The following CNTN4 variants were observed in gnomAD, a reference collection of about 807,000 sequenced individuals.
CNTN4 encodes contactin-4.
In CNTN4, 77 loss-of-function variants were observed where a neutral mutation model predicts 122.5. The observed-to-expected ratio is 0.63, with a 90% CI of 0.52 to 0.76. CNTN4 has a LOEUF of 0.76. Ranked by LOEUF, CNTN4 falls within the 30% of genes least tolerant of loss-of-function variation. CNTN4 has a pLI of 0.00. For synonymous variants in CNTN4, 512 were observed against 447.0 expected (o/e 1.15, Z -1.83); for missense variants, 1,256 against 1,259.1 (o/e 1.00, Z 0.04).
chr3:2,884,539 C>T (rs2093948035), intron 9 of CNTN4, among the ~76,000 whole-genome samples: 1 of 152,050 alleles, frequency 6.6e-6, no homozygotes, highest in Non-Finnish European at 1.5e-5. Flanking sequence ...TGCAAAACAA[C>T]ATTTAAGACA....
chr3:2,569,342 G>A (rs2079319193), intron 3 of CNTN4, among the ~76,000 whole-genome samples: 1 of 152,062 alleles, frequency 6.6e-6, no homozygotes, highest in African/African-American at 2.4e-5. Flanking sequence ...AGCTTGTGTT[G>A]GCCCATGTTT....
At chr3:2,305,311 A>G (rs531744332) in intron 2 of CNTN4, among the ~76,000 whole-genome samples, 7 of 152,276 alleles carry the variant, frequency 4.6e-5, no homozygotes. Context: ...GAGAGGGTTA[A>G]TTGTTCCTAT....
At chr3:2,586,919 G>T (rs1157227658) in intron 4 of CNTN4, among the ~76,000 whole-genome samples, 1 of 152,036 alleles carries the variant, frequency 6.6e-6, no homozygotes, top group South Asian at 2.1e-4. Flanking sequence ...ACCTACTCTG[G>T]TATGTTCTTT....
chr3:2,177,367 C>CT (rs1192859166), intron 2 of CNTN4, among the ~76,000 whole-genome samples: 1 of 152,008 alleles, frequency 6.6e-6, no homozygotes, highest in East Asian at 1.9e-4. Context: ...CATCTCATAT[C>CT]TTTTTTCCTC....
At chr3:2,212,775 A>G (rs1387512312) in intron 2 of CNTN4, among the ~76,000 whole-genome samples, 2 of 152,238 alleles carry the variant, frequency 1.3e-5, no homozygotes, top group African/African-American at 2.4e-5. Flanking sequence ...TGGCAGTGAC[A>G]TATCCCTGCT....
rs747923873 is a variant in CNTN4 at position 3,009,579 on chromosome 3, GC to G, written c.1487-16520del. On this transcript the variant is annotated intron_variant, in intron 14 of 24. Coordinates refer to ENST00000418658, the MANE Select transcript of CNTN4 (RefSeq NM_175607.3). ...TTCCCGAGTAGCTGGGACTACAGGC[GC>G]CCGCCACCACGCCCGGCTAATTTTT... is the stretch of plus-strand genomic sequence containing the variant. Among the ~76,000 whole-genome samples, 909 of 95,534 alleles carry G rather than the reference GC, an allele frequency of 9.5e-3. 4 individuals carry two copies. The highest frequency in any genetic ancestry group is 0.022 in the African/African-American group (585 of 26,434). The allele number at this position is 95,534 out of a possible 152,430, so 62.7% of individuals were successfully genotyped here. A position where few individuals can be genotyped will look rare whatever the true frequency, so the allele number is the denominator to read the frequency against.
At chr3:2,296,704 G>A (rs1327075970) in intron 2 of CNTN4, among the ~76,000 whole-genome samples, 1 of 149,984 alleles carries the variant, frequency 6.7e-6, no homozygotes, top group African/African-American at 2.5e-5. Flanking sequence ...GGCACAAGAA[G>A]AATAAAATGG....
rs4685492 is a variant in CNTN4, at chr3:2,173,922, G to A, written c.-145+73283G>A. 7.5e-3 allele frequency among the ~76,000 whole-genome samples: 1,145 copies of A among 152,286 alleles called. 9 individuals are homozygous for A. Among genetic ancestry groups the A allele is most frequent in the Admixed American group, 0.024 (361 of 15,294 alleles). On this transcript the variant is annotated intron_variant, in intron 2 of 24. Transcript: ENST00000418658. ...AAATAATTTCTCAAAGAGGGTAGCT[G>A]TTGTTGCTATTATCGTTGTTTTATT...
chr3:2,829,753 C>T (rs917464760), intron 7 of CNTN4, among the ~76,000 whole-genome samples: 4 of 152,144 alleles, frequency 2.6e-5, no homozygotes, highest in Non-Finnish European at 4.4e-5. Flanking sequence ...ATATAAGTAA[C>T]GAACGTTTCC....
intron 12 of CNTN4, among the ~76,000 whole-genome samples, chr3:2,923,033 G>A (rs2094443439): frequency 6.6e-6 from 1 of 152,188 alleles, no homozygotes; most frequent in African/African-American, 2.4e-5. Context: ...ACTGAAAGGT[G>A]TGTTTTCTGG....
At chr3:2,278,710 A>G (rs1242832212) in intron 2 of CNTN4, among the ~76,000 whole-genome samples, 3 of 152,184 alleles carry the variant, frequency 2.0e-5, no homozygotes, top group African/African-American at 4.8e-5. Context: ...CCCTGTGCCT[A>G]ATCCTGAAAA....
intron 3 of CNTN4, among the ~76,000 whole-genome samples, chr3:2,481,328 A>T (rs915588482): frequency 1.3e-5 from 2 of 151,800 alleles, no homozygotes; most frequent in Non-Finnish European, 2.9e-5. Context: ...TTTAGTAGAG[A>T]TGTGGTTTCA....
Position 2,630,681 on chromosome 3 carries a change from C to G in CNTN4, c.55+59123C>G, listed in dbSNP as rs74334533. ...TTTGAGAGGAATTAGTATGGTATAT[C>G]CCTATCTGTTTATTAAGGGAGTGTG... On this transcript the variant is annotated intron_variant, in intron 4 of 24. Transcript: ENST00000418658. Among the ~76,000 whole-genome samples the G allele has an allele frequency of 6.2e-3, 921 of 149,752 alleles. 3 individuals carry two copies. Among genetic ancestry groups the G allele is most frequent in the African/African-American group, 0.021 (825 of 40,202 alleles).
intron 6 of CNTN4, 96 bp from the exon 7 acceptor site, chr3:2,819,390 T>A (rs1182618482): frequency 3.1e-6 from 3 of 963,878 alleles, no homozygotes; most frequent in Non-Finnish European, 5.0e-6. Context: ...CAACGCAGTT[T>A]TGAGCAGAAT....
At chr3:2,681,862 G>A (rs1376049829) in intron 4 of CNTN4, among the ~76,000 whole-genome samples, 1 of 151,802 alleles carries the variant, frequency 6.6e-6, no homozygotes, top group Non-Finnish European at 1.5e-5. Context: ...TACTAGATTG[G>A]TCAACAACAT....
intron 3 of CNTN4, among the ~76,000 whole-genome samples, chr3:2,366,034 C>T (rs1176832842): frequency 1.3e-5 from 2 of 152,126 alleles, no homozygotes; most frequent in East Asian, 3.9e-4. Context: ...AGTTACAATA[C>T]AATATTTTAT....
At chr3:2,383,856 C>G (rs181292560) in intron 3 of CNTN4, among the ~76,000 whole-genome samples, 2 of 151,902 alleles carry the variant, frequency 1.3e-5, no homozygotes, top group South Asian at 4.2e-4. Context: ...TATATAAATT[C>G]TGTATACAGT....
rs1234334638 is a variant in CNTN4 at position 2,773,762 on chromosome 3, C to CTTTTTTTTTTTTTTTT, written c.358+28066_358+28081dup. ...GAAGCCTTCATCTCAATGTAGTAGA[C>CTTTTTTTTTTTTTTTT]TTTTTTTTTTTTTTTTGAGACGGAG... On this transcript the variant is annotated intron_variant, in intron 6 of 24. Transcript: ENST00000418658. 3.7e-5 allele frequency among the ~76,000 whole-genome samples: 4 copies of CTTTTTTTTTTTTTTTT among 107,522 alleles called. 1 individual carries two copies. Among genetic ancestry groups the CTTTTTTTTTTTTTTTT allele is most frequent in the African/African-American group, 3.5e-5 (1 of 28,806 alleles). The allele number at this position is 107,522 out of a possible 152,430, so 70.5% of individuals were successfully genotyped here. A position where few individuals can be genotyped will look rare whatever the true frequency, so the allele number is the denominator to read the frequency against.
chr3:2,378,652 A>G (rs553638590), intron 3 of CNTN4, among the ~76,000 whole-genome samples: 1 of 152,226 alleles, frequency 6.6e-6, no homozygotes, highest in African/African-American at 2.4e-5. Flanking sequence ...GGAAACAGCT[A>G]ATTAATTTGT....
Sources: gnomAD v4.1 joint callset for allele counts (sites outside exome capture counted in the v4.1 genomes callset) on GRCh38, gnomAD v4.1.1 for gene constraint, MANE v1.5 for transcripts, NCBI Gene and HGNC (gene_info 2026-07-23, HGNC 2026-07-21) for gene names.